The following RARB variants were observed in gnomAD, a reference collection of about 807,000 sequenced individuals.
RARB encodes the protein retinoic acid receptor beta, also known as HBV-activated protein.
Under a neutral mutation model 51.9 loss-of-function variants are expected in RARB, and 17 were observed. That is an observed-to-expected ratio of 0.33 (90% CI 0.22 to 0.49). The LOEUF (loss-of-function observed/expected upper bound fraction) is 0.49. RARB is among the 20% of genes least tolerant of loss of function. The probability of loss-of-function intolerance (pLI) is 0.99; values close to 1 mark genes in which losing one functional copy is unlikely to be tolerated. For synonymous variants in RARB, 215 were observed against 195.4 expected (o/e 1.10, Z -0.84); for missense variants, 369 against 550.8 (o/e 0.67, Z 3.30).
intron 3 of RARB, among the ~76,000 whole-genome samples, chr3:25,545,708 C>T (rs1255022874): frequency 1.3e-5 from 2 of 152,180 alleles, no homozygotes; most frequent in Admixed American, 6.5e-5. Context: ...CCAAGGGCTG[C>T]ACCCCTCTCT....
chr3:24,983,813 A>C (rs1031468661), intron 2 of RARB, among the ~76,000 whole-genome samples: 1 of 152,078 alleles, frequency 6.6e-6, no homozygotes, highest in African/African-American at 2.4e-5. Context: ...TATTAAATGC[A>C]GGGGGGAGAG....
At chr3:25,098,492 A>C (rs577575354) in intron 3 of RARB, among the ~76,000 whole-genome samples, 1 of 152,360 alleles carries the variant, frequency 6.6e-6, no homozygotes, top group African/African-American at 2.4e-5. Context: ...TTGGGTAAAG[A>C]AGTCCACCTA....
At chr3:25,076,249 T>A (rs1698868895) in intron 3 of RARB, among the ~76,000 whole-genome samples, 1 of 152,032 alleles carries the variant, frequency 6.6e-6, no homozygotes, top group African/African-American at 2.4e-5. Context: ...CACGCCATTC[T>A]CTTGCCTCAA....
chr3:25,222,415 T>C (rs1392882035), intron 5 of RARB, among the ~76,000 whole-genome samples: 1 of 152,224 alleles, frequency 6.6e-6, no homozygotes, highest in Non-Finnish European at 1.5e-5. Context: ...CACTTGGTTC[T>C]TTCCCAAAGA....
chr3:24,894,540 T>C (rs1168313846), intron 2 of RARB, among the ~76,000 whole-genome samples: 1 of 152,152 alleles, frequency 6.6e-6, no homozygotes. Context: ...GTTTATTCCA[T>C]GTCTTTGCTA....
chr3:25,369,267 C>T (rs191456901), intron 5 of RARB, among the ~76,000 whole-genome samples: 52 of 152,270 alleles, frequency 3.4e-4, no homozygotes, highest in African/African-American at 1.2e-3. Flanking sequence ...GCATTGGGCA[C>T]ACAGAAAGTG....
rs189061601 is a variant in RARB, at chr3:25,357,200, C to T, written c.179-103993C>T. 4.0e-4 allele frequency among the ~76,000 whole-genome samples: 61 copies of T among 152,230 alleles called. 1 individual carries two copies. In the East Asian group the frequency reaches 7.3e-3, roughly 18 times the overall value. On this transcript the variant is annotated intron_variant, in intron 5 of 11. Transcript: ENST00000383772. ...TGTTGTTTCCTGACTTTTTAATGAT[C>T]GCCATTCTAACTAGCATGAGATGGT...
intron 2 of RARB, among the ~76,000 whole-genome samples, chr3:24,992,330 C>T (rs971748547): frequency 1.3e-5 from 2 of 152,058 alleles, no homozygotes; most frequent in African/African-American, 4.8e-5. Flanking sequence ...GTTTTGACGT[C>T]ATGATTATTA....
At chr3:25,500,396 T>C (rs1575463606) in intron 2 of RARB, among the ~76,000 whole-genome samples, 1 of 149,952 alleles carries the variant, frequency 6.7e-6, no homozygotes, top group Non-Finnish European at 1.5e-5. Context: ...CAGAGAAGAC[T>C]CCTTTGAAAA....
rs567508140 is a variant in RARB at position 24,994,584 on chromosome 3, G to T, written c.-379-65541G>T. Among the ~76,000 whole-genome samples the T allele has an allele frequency of 1.7e-3, 262 of 152,118 alleles. 2 individuals carry two copies. Among genetic ancestry groups the T allele is most frequent in the South Asian group, 7.7e-3 (37 of 4,822 alleles). On this transcript the variant is annotated intron_variant, in intron 2 of 11. Coordinates refer to the RARB transcript ENST00000383772. ...AAATCATTTCCCAGACTAATGTCCT[G>T]AAGTGTTTCCCCTATTTTTTCCTCT...
chr3:25,216,102 C>T (rs187075969), intron 5 of RARB, among the ~76,000 whole-genome samples: 185 of 152,168 alleles, frequency 1.2e-3, no homozygotes, highest in African/African-American at 4.1e-3. Context: ...GTTAAAATAA[C>T]GTAAATGTGT....
chr3:25,415,089 G>T (rs528048947), intron 5 of RARB, among the ~76,000 whole-genome samples: 1 of 152,098 alleles, frequency 6.6e-6, no homozygotes, highest in African/African-American at 2.4e-5. Flanking sequence ...TGATCTACCT[G>T]CCTCGGCCTC....
At chr3:25,500,464 T>G (rs1697252853) in intron 2 of RARB, among the ~76,000 whole-genome samples, 1 of 113,016 alleles carries the variant, frequency 8.8e-6, no homozygotes, top group Non-Finnish European at 1.9e-5. Flanking sequence ...GTTTTTTTTT[T>G]TTTTTTTTTT....
intron 2 of RARB, chr3:25,060,078 T>C (rs965495889): frequency 7.9e-5 from 12 of 151,790 alleles, no homozygotes; most frequent in African/African-American, 9.7e-5. Context: ...AATGTTAAAA[T>C]TGAACAGGAT....
chr3:24,864,914 T>C (rs1432827201), intron 2 of RARB, among the ~76,000 whole-genome samples: 1 of 152,202 alleles, frequency 6.6e-6, no homozygotes. Context: ...GTAATAACTT[T>C]CCAGGTAATG....
chr3:25,195,580 T>TCTTAGGAC (rs1282942452), intron 5 of RARB, among the ~76,000 whole-genome samples: 1 of 152,022 alleles, frequency 6.6e-6, no homozygotes, highest in Non-Finnish European at 1.5e-5. Flanking sequence ...CCAAGCATTT[T>TCTTAGGAC]CTTAGGACCT....
At chr3:25,081,560 A>G (rs1368388028) in intron 3 of RARB, among the ~76,000 whole-genome samples, 2 of 95,460 alleles carry the variant, frequency 2.1e-5, no homozygotes, top group Admixed American at 2.6e-4. Context: ...TTCTCCTTTT[A>G]CTTTTGCTAG....
intron 3 of RARB, among the ~76,000 whole-genome samples, chr3:25,092,196 A>G (rs990942299): frequency 1.3e-5 from 2 of 152,160 alleles, no homozygotes; most frequent in South Asian, 2.1e-4. Context: ...AAGTTCACAA[A>G]ATCTTTCCCA....
At position 24,879,933 on chromosome 3, in the gene RARB, C is replaced by G. The variant is rs1703125371; in HGVS notation, c.-380+21181C>G. 2.0e-5 allele frequency among the ~76,000 whole-genome samples: 3 copies of G among 148,604 alleles called. No homozygotes were observed. The South Asian group carries it at 6.3e-4, about 31-fold the overall frequency. ...TTTGTCCTGCGTGAATCCCATCTTG[C>G]AAAGTTCTTGAGTTTTGTGTTACGC... On this transcript the variant is annotated intron_variant, in intron 2 of 11. Transcript: ENST00000383772.
Sources: gnomAD v4.1 joint callset for allele counts (sites outside exome capture counted in the v4.1 genomes callset) on GRCh38, gnomAD v4.1.1 for gene constraint, MANE v1.5 for transcripts, NCBI Gene and HGNC (gene_info 2026-07-23, HGNC 2026-07-21) for gene names.